Variants in GREB1 observed in about 807,000 individuals in gnomAD.
GREB1 encodes protein GREB1.
A neutral mutation model predicts 200.7 loss-of-function variants in GREB1; 106 were observed. The ratio of observed to expected loss-of-function variants is 0.53; its 90% CI spans 0.45 to 0.62. The LOEUF (loss-of-function observed/expected upper bound fraction) is 0.62, where lower values mean the gene tolerates loss of function less well. Ranked by LOEUF, GREB1 falls within the 20% of genes least tolerant of loss-of-function variation. The pLI is 0.00. For synonymous variants in GREB1, 1,132 were observed against 1,092.4 expected, an observed-to-expected ratio of 1.04 and a Z score of -0.72; for missense variants, 2,243 against 2,556.8, an observed-to-expected ratio of 0.88 and a Z score of 2.65.
chr2:11,575,639 G>A (rs2148029242), intron 4 of GREB1, among the ~76,000 whole-genome samples: 1 of 152,298 alleles, frequency 6.6e-6, no homozygotes, highest in East Asian at 1.9e-4. Context: ...CCAGCATGCT[G>A]GCCAGATATT....
chr2:11,530,483 G>T (rs560281597), upstream of GREB1, among the ~76,000 whole-genome samples: 13 of 149,908 alleles, frequency 8.7e-5, no homozygotes, highest in Non-Finnish European at 1.8e-4. Flanking sequence ...CAGGGGAATC[G>T]CTTGAACCGG....
intron 1 of GREB1, among the ~76,000 whole-genome samples, chr2:11,551,295 A>G (rs1675796417): frequency 6.6e-6 from 1 of 152,236 alleles, no homozygotes; most frequent in African/African-American, 2.4e-5. Flanking sequence ...AACCAGTTGA[A>G]TCTCCACGTA....
At chr2:11,537,356 T>C (rs193233999) in intron 1 of GREB1, among the ~76,000 whole-genome samples, 2,152 of 152,300 alleles carry the variant, frequency 0.014, 34 homozygotes, top group African/African-American at 0.033. Flanking sequence ...TATCCTGGCA[T>C]GTATAATATT....
At position 11,615,220 on chromosome 2, in the gene GREB1, C is replaced by G. The variant is rs558985013; in HGVS notation, c.3252C>G (p.Asn1084Lys). 2 of 1,613,522 alleles carry G rather than the reference C, an allele frequency of 1.2e-6. No homozygotes were observed. The highest frequency in any genetic ancestry group is 1.7e-5 in the Admixed American group (1 of 59,930). Reference sequence around the variant, plus strand: ...TTCCCTTGGAGAAGGGGGCTAGGAACGAGGCCTTGGAGAGTGATGCTGAGA... The same window carrying G: ...TTCCCTTGGAGAAGGGGGCTAGGAAGGAGGCCTTGGAGAGTGATGCTGAGA... ...NEVPLEKGAR[N>K]EALESDAEKL... Residue 1084 changes from asparagine (N) to lysine (K), a missense_variant, in exon 20 of 33, where the codon AAC (asparagine) becomes AAG (lysine). Asn to Lys is a moderately conservative substitution (Grantham distance 94). This residue lies in a region of GREB1 where 587 missense variants were observed against 553.1 expected (regional missense o/e 1.06). Coordinates refer to ENST00000381486, the MANE Select transcript of GREB1 (RefSeq NM_014668.4).
At chr2:11,568,140 A>G (rs1677878073) in intron 4 of GREB1, among the ~76,000 whole-genome samples, 1 of 152,166 alleles carries the variant, frequency 6.6e-6, no homozygotes, top group Non-Finnish European at 1.5e-5. Flanking sequence ...AAACCCCCAC[A>G]ATTTCTTACA....
At position 11,556,696 on chromosome 2, in the gene GREB1, T is replaced by C. The variant is rs1386734506; in HGVS notation, c.82T>C (p.Ser28Pro). The C allele has an allele frequency of 6.2e-7, 1 of 1,613,934 alleles. No homozygotes were observed. The highest frequency in any genetic ancestry group is 8.5e-7 in the Non-Finnish European group (1 of 1,179,918). Residue 28 changes from serine to proline, a missense_variant, in exon 2 of 33, where the codon TCC becomes CCC. Physicochemically the swap from Ser to Pro is moderately conservative, Grantham distance 74 (BLOSUM62 -1). Around this residue, in one of 3 missense-constraint regions of GREB1, gnomAD observed 1,178 missense variants for 1,387.4 expected, o/e 0.85. Transcript: ENST00000381486. ...LHNSIEASLR[S>P]NNLVPRPIFS... ...CAATTCCATCGAGGCATCCCTGCGG[T>C]CCAACAACCTGGTGCCCAGGCCCAT...
intron 11 of GREB1, 59 bp downstream of exon 11, chr2:11,593,185 C>G: frequency 8.4e-7 from 1 of 1,194,608 alleles, no homozygotes. Flanking sequence ...CCGGTCCCCT[C>G]CTTTGGTGGT....
At chr2:11,560,701 C>G (rs1030297405) in intron 2 of GREB1, among the ~76,000 whole-genome samples, 2 of 143,238 alleles carry the variant, frequency 1.4e-5, no homozygotes, top group Non-Finnish European at 3.1e-5. Flanking sequence ...AACTCCATCT[C>G]AAAAAAAAAA....
At chr2:11,620,583 T>A (rs1033201008) in intron 22 of GREB1, among the ~76,000 whole-genome samples, 1 of 152,262 alleles carries the variant, frequency 6.6e-6, no homozygotes, top group African/African-American at 2.4e-5. Flanking sequence ...TAAGGCATGT[T>A]TATAGTATCC....
intron 1 of GREB1, among the ~76,000 whole-genome samples, chr2:11,495,795 C>CTTTTTTTTTTTTTTTTTTTTTTT (rs1393933225): frequency 7.1e-6 from 1 of 140,470 alleles, no homozygotes; most frequent in African/African-American, 2.7e-5. Context: ...TAAGTCCCCC[C>CTTTTTTTTTTTTTTTTTTTTTTT]GTTTTTTTTT....
chr2:11,602,003 G>A (rs78651958), intron 16 of GREB1, among the ~76,000 whole-genome samples: 5,193 of 152,278 alleles, frequency 0.034, 306 homozygotes, highest in African/African-American at 0.12. Context: ...AATTGGCTAG[G>A]TAAATGTTTT....
At chr2:11,596,013 T>C in intron 12 of GREB1, 98 bp from the exon 13 acceptor site, 1 of 1,202,920 alleles carries the variant, frequency 8.3e-7, no homozygotes, top group Admixed American at 1.9e-5. Flanking sequence ...CCTTCATGAC[T>C]CCAGGCCTCG....
In GREB1 at chr2:11,637,703, C is replaced by G. The variant is rs372895338; in HGVS notation, c.5347-13C>G. 219 of 1,611,604 alleles carry G rather than the reference C, an allele frequency of 1.4e-4. 1 individual carries two copies. The African/African-American group carries it at 2.3e-3, about 17-fold the overall frequency. ...CAGGGCAGTAGTGGCCTGACACCCC[C>G]CTTCCCGTGCAGGTGTCTGATAACT... On this transcript the variant is annotated splice_polypyrimidine_tract_variant and intron_variant, in intron 30 of 32. Coordinates refer to ENST00000381486, the MANE Select transcript of GREB1 (RefSeq NM_014668.4).
chr2:11,598,851 A>T lies in GREB1; in HGVS notation c.2324A>T (p.Asp775Val). Residue 775 changes from aspartate (D) to valine (V), a missense_variant, in exon 15 of 33, where the codon GAT becomes GTT. By Grantham distance (152) the Asp-to-Val change is radical. Transcript: ENST00000381486. Reference protein sequence around the residue: ...FVLIHDHAHWDLVSSTVHNLY... With the variant: ...FVLIHDHAHWVLVSSTVHNLY... Reference sequence around the variant, plus strand: ...CTAATCCATGACCATGCGCACTGGGATCTTGTGAGGTTAGATTGACTTGAT... The same window carrying T: ...CTAATCCATGACCATGCGCACTGGGTTCTTGTGAGGTTAGATTGACTTGAT... 1 of 1,613,490 alleles carries T rather than the reference A, an allele frequency of 6.2e-7. No homozygotes were observed. Among genetic ancestry groups the T allele is most frequent in the Non-Finnish European group, 8.5e-7 (1 of 1,179,460 alleles).
At position 11,492,130 on chromosome 2, in the gene GREB1, A is replaced by G. The variant is rs1672786400; in HGVS notation, c.-159+9749A>G. Reference sequence around the variant, plus strand: ...TTGACTCCCTGCCTGGCTACCATGCATCGTTTCCATGGTCATTTAACGTGG... The same window carrying G: ...TTGACTCCCTGCCTGGCTACCATGCGTCGTTTCCATGGTCATTTAACGTGG... On this transcript the variant is annotated intron_variant, in intron 1 of 2. Coordinates refer to the GREB1 transcript ENST00000628795. The surrounding 1 kb of genome is among the most constrained non-coding windows in gnomAD (Gnocchi z 4.0). 6.6e-6 allele frequency among the ~76,000 whole-genome samples: 1 copy of G among 152,128 alleles called. No individual in the cohort carries two copies. Among genetic ancestry groups the G allele is most frequent in the South Asian group, 2.1e-4 (1 of 4,822 alleles).
intron 2 of GREB1, among the ~76,000 whole-genome samples, chr2:11,558,819 C>T (rs1676692129): frequency 6.6e-6 from 1 of 152,110 alleles, no homozygotes; most frequent in South Asian, 2.1e-4. Context: ...TTTTTATGAC[C>T]AGGGTGCTGG....
In GREB1 at chr2:11,576,478, G is replaced by C. The variant is rs1678868397; in HGVS notation, c.580G>C (p.Val194Leu). The change falls in exon 5 of 33, where the codon GTC becomes CTC. Residue 194 changes from valine to leucine, a missense_variant. Coordinates refer to ENST00000381486, the MANE Select transcript of GREB1 (RefSeq NM_014668.4). ...KKQKHLKYYL[V>L]RNAQGTLTKG... Reference sequence around the variant, plus strand: ...GCAGAAACACTTGAAGTATTACCTGGTCCGTAATGCACAAGGGACTCTAAC... The same window carrying C: ...GCAGAAACACTTGAAGTATTACCTGCTCCGTAATGCACAAGGGACTCTAAC... The C allele has an allele frequency of 6.2e-7, 1 of 1,613,880 alleles. No individual in the cohort carries two copies. Among genetic ancestry groups the C allele is most frequent in the African/African-American group, 1.3e-5 (1 of 74,918 alleles).
At chr2:11,635,026 T>C (rs1198145826) in intron 29 of GREB1, among the ~76,000 whole-genome samples, 2 of 152,226 alleles carry the variant, frequency 1.3e-5, no homozygotes, top group Admixed American at 1.3e-4. Flanking sequence ...AGTGCTTTTG[T>C]GGTTTAAGCA....
intron 4 of GREB1, among the ~76,000 whole-genome samples, chr2:11,576,139 A>C (rs1678829830): frequency 6.6e-6 from 1 of 152,038 alleles, no homozygotes. Context: ...CCCCGTCTCT[A>C]CTAAAAAATA....
Sources: gnomAD v4.1 joint callset for allele counts (sites outside exome capture counted in the v4.1 genomes callset) on GRCh38, gnomAD v4.1.1 for gene constraint, gnomAD v4.1.1 regional missense constraint, Gnocchi (gnomAD v3.1) non-coding constraint, MANE v1.5 for transcripts, NCBI Gene and HGNC (gene_info 2026-07-23, HGNC 2026-07-21) for gene names.